The following FAM13A variants were observed in gnomAD, a reference collection of about 807,000 sequenced individuals.
FAM13A encodes the protein protein FAM13A.
A neutral mutation model predicts 129.6 loss-of-function variants in FAM13A; 76 were observed. That is an observed-to-expected ratio of 0.59 (90% CI 0.49 to 0.71). The LOEUF (loss-of-function observed/expected upper bound fraction) is 0.71. Ranked by LOEUF, FAM13A falls within the 30% of genes least tolerant of loss-of-function variation. The probability of loss-of-function intolerance (pLI) is 0.00; values close to 1 mark genes in which losing one functional copy is unlikely to be tolerated. For synonymous variants in FAM13A, 443 were observed against 449.9 expected, an observed-to-expected ratio of 0.98 and a Z score of 0.20; for missense variants, 1,108 against 1,249.3, an observed-to-expected ratio of 0.89 and a Z score of 1.70.
At chr4:88,762,325 C>G (rs1744973560) in intron 13 of FAM13A, among the ~76,000 whole-genome samples, 1 of 152,188 alleles carries the variant, frequency 6.6e-6, no homozygotes, top group Admixed American at 6.5e-5. Context: ...AGCTTCCATA[C>G]TTCCTGGCTG....
chr4:88,930,241 G>A (rs1752831578), intron 5 of FAM13A, among the ~76,000 whole-genome samples: 1 of 152,082 alleles, frequency 6.6e-6, no homozygotes, highest in South Asian at 2.1e-4. Context: ...TCCTCTGGTG[G>A]TGTCCTATTT....
At chr4:88,818,473 T>C (rs3822073) in intron 7 of FAM13A, among the ~76,000 whole-genome samples, 76,964 of 152,080 alleles carry the variant, frequency 0.51, 19,747 homozygotes, top group East Asian at 0.65. Flanking sequence ...TACTGAATAG[T>C]TAACATCTTT....
chr4:88,840,121 G>A (rs1272170907), intron 7 of FAM13A, among the ~76,000 whole-genome samples: 2 of 152,194 alleles, frequency 1.3e-5, no homozygotes, highest in Non-Finnish European at 2.9e-5. Flanking sequence ...AGGAAAACCA[G>A]GAGACTGTAA....
chr4:89,009,482 T>C (rs941659311), intron 3 of FAM13A, among the ~76,000 whole-genome samples: 4 of 152,202 alleles, frequency 2.6e-5, no homozygotes, highest in Admixed American at 6.5e-5. Context: ...GAAAACCAGA[T>C]CCACACATGT....
At chr4:89,034,350 A>C (rs1769084333) in intron 1 of FAM13A, among the ~76,000 whole-genome samples, 1 of 152,210 alleles carries the variant, frequency 6.6e-6, no homozygotes, top group African/African-American at 2.4e-5. Context: ...CCATTAGAGA[A>C]ACACAAATCA....
intron 20 of FAM13A, 43 bp from the exon 21 acceptor site, chr4:88,737,598 T>TTAAAG (rs1481598787): frequency 1.8e-5 from 27 of 1,505,176 alleles, no homozygotes; most frequent in Non-Finnish European, 2.4e-5. Context: ...CGAACCCCTT[T>TTAAAG]CCCTTTCCCT....
intron 6 of FAM13A, among the ~76,000 whole-genome samples, chr4:88,865,878 C>CTTTTTTTTTTTTTT (rs34865210): frequency 2.4e-5 from 2 of 83,196 alleles, no homozygotes; most frequent in African/African-American, 5.2e-5. Context: ...TTGTCTCTCT[C>CTTTTTTTTTTTTTT]TTTTTTTTTT....
At chr4:88,756,728 G>A (rs1264987048) in intron 14 of FAM13A, among the ~76,000 whole-genome samples, 1 of 152,082 alleles carries the variant, frequency 6.6e-6, no homozygotes, top group East Asian at 1.9e-4. Flanking sequence ...ATATTTTAGT[G>A]ATCAGACTTA....
Position 88,781,247 on chromosome 4 carries a change from C to A in FAM13A, c.1376G>T (p.Cys459Phe), listed in dbSNP as rs375359205. 4 of 1,612,702 alleles carry A rather than the reference C, an allele frequency of 2.5e-6. No individual in the cohort carries two copies. The highest frequency in any genetic ancestry group is 2.7e-5 in the African/African-American group (2 of 74,854). ...TTTAGGCTTGCTCCTTTCTCCAGCA[C>A]AACCAAAAGTATTTTTGTGTACCTT... Reference protein sequence around the residue: ...VEKVHKNTFGCAGERSKPKRQ... With the variant: ...VEKVHKNTFGFAGERSKPKRQ... Residue 459 changes from cysteine (C) to phenylalanine (F), a missense_variant, in exon 11 of 24, where the codon TGT (cysteine) becomes TTT (phenylalanine). Physicochemically the swap from Cys to Phe is radical, Grantham distance 205. Around this residue, in one of 3 missense-constraint regions of FAM13A, gnomAD observed 566 missense variants for 595.7 expected, o/e 0.95. Transcript: ENST00000264344.
intron 7 of FAM13A, among the ~76,000 whole-genome samples, chr4:88,827,186 C>T (rs1443939442): frequency 1.3e-5 from 2 of 152,174 alleles, no homozygotes; most frequent in African/African-American, 4.8e-5. Context: ...TTCTGAAACA[C>T]TCACCTTCAG....
intron 7 of FAM13A, among the ~76,000 whole-genome samples, chr4:88,842,756 C>A (rs1409946763): frequency 1.3e-5 from 2 of 152,196 alleles, no homozygotes; most frequent in African/African-American, 2.4e-5. Context: ...CAATACATTT[C>A]TTTACCATTA....
chr4:88,781,221 G>C lies in FAM13A; in HGVS notation c.1402C>G (p.Arg468Gly). The C allele has an allele frequency of 6.2e-7, 1 of 1,612,144 alleles. No homozygotes were observed. The highest frequency in any genetic ancestry group is 8.5e-7 in the Non-Finnish European group (1 of 1,179,060). Reference sequence around the variant, plus strand: ...GAAAGTTTAGTACTGGATTTCTGACGTTTAGGCTTGCTCCTTTCTCCAGCA... The same window carrying C: ...GAAAGTTTAGTACTGGATTTCTGACCTTTAGGCTTGCTCCTTTCTCCAGCA... ...GCAGERSKPK[R>G]QKSSTKLSEL... Residue 468 changes from arginine (R) to glycine (G), a missense_variant, in exon 11 of 24, where the codon CGT becomes GGT. By Grantham distance (125) the Arg-to-Gly change is moderately radical. Transcript: ENST00000264344.
At chr4:88,741,524 A>C (rs1277952225) in intron 19 of FAM13A, among the ~76,000 whole-genome samples, 1 of 152,190 alleles carries the variant, frequency 6.6e-6, no homozygotes, top group Non-Finnish European at 1.5e-5. Flanking sequence ...AGGCTTCTGG[A>C]GGATCGGCAA....
At chr4:88,827,209 CTT>C (rs1733153227) in intron 7 of FAM13A, among the ~76,000 whole-genome samples, 1 of 152,204 alleles carries the variant, frequency 6.6e-6, no homozygotes, top group Non-Finnish European at 1.5e-5. Context: ...TTCTGAAAGT[CTT>C]TGGTTCTCTG....
At chr4:89,028,998 T>C (rs1039884993) in intron 2 of FAM13A, among the ~76,000 whole-genome samples, 4 of 152,178 alleles carry the variant, frequency 2.6e-5, no homozygotes, top group African/African-American at 9.6e-5. Flanking sequence ...CCACTCCGCA[T>C]AGTAAGCTTT....
chr4:88,809,021 T>A (rs768657123), intron 7 of FAM13A, among the ~76,000 whole-genome samples: 22 of 152,172 alleles, frequency 1.4e-4, no homozygotes, highest in Non-Finnish European at 2.4e-4. Context: ...TTTATACAGC[T>A]TGACATTGGT....
At chr4:88,839,297 G>C (rs1735393969) in intron 7 of FAM13A, among the ~76,000 whole-genome samples, 1 of 152,076 alleles carries the variant, frequency 6.6e-6, no homozygotes, top group Admixed American at 6.6e-5. Context: ...AAAATAGCCT[G>C]TTAGCTATTC....
chr4:88,955,084 C>T (rs1757534348), intron 4 of FAM13A, among the ~76,000 whole-genome samples: 1 of 151,968 alleles, frequency 6.6e-6, no homozygotes, highest in African/African-American at 2.4e-5. Flanking sequence ...TTTTATAACT[C>T]TCACAAATAT....
chr4:88,759,854 AT>A (rs999679634), intron 13 of FAM13A, among the ~76,000 whole-genome samples: 165 of 151,788 alleles, frequency 1.1e-3, no homozygotes, highest in Middle Eastern at 3.4e-3. Context: ...ACTCGAATTA[AT>A]TTTTTTTTAA....
Sources: allele counts gnomAD v4.1 joint callset (sites outside exome capture counted in the v4.1 genomes callset), GRCh38; gene constraint gnomAD v4.1.1; regional missense constraint gnomAD v4.1.1; transcripts MANE v1.5; gene names NCBI Gene and HGNC (gene_info 2026-07-23, HGNC 2026-07-21).